METTL16: variants seen among roughly 807,000 people sequenced by gnomAD.
The protein encoded by METTL16 is RNA N(6)-adenosine-methyltransferase METTL16.
A neutral mutation model predicts 57.9 loss-of-function variants in METTL16; 19 were observed. The ratio of observed to expected loss-of-function variants is 0.33; its 90% CI spans 0.23 to 0.48. METTL16 has a LOEUF of 0.48. Among genes scored for constraint, METTL16 ranks in the 20% least tolerant of loss-of-function variants. METTL16 has a pLI of 0.99. For synonymous variants in METTL16, 246 were observed against 255.6 expected (o/e 0.96, Z 0.36); for missense variants, 434 against 691.5 (o/e 0.63, Z 4.18).
chr17:2,452,679 G>T (rs531946821), intron 6 of METTL16, among the ~76,000 whole-genome samples: 105 of 152,136 alleles, frequency 6.9e-4, no homozygotes, highest in Non-Finnish European at 1.1e-3. Flanking sequence ...CAGGATTCGC[G>T]CAAATGACTC....
intron 2 of METTL16, among the ~76,000 whole-genome samples, chr17:2,493,214 G>T: frequency 6.8e-6 from 1 of 147,570 alleles, no homozygotes; most frequent in Non-Finnish European, 1.5e-5. Flanking sequence ...TCAGCCTCCT[G>T]AGTAGCTGGG....
chr17:2,435,799 T>G (rs1210528892), intron 8 of METTL16, among the ~76,000 whole-genome samples: 15 of 109,968 alleles, frequency 1.4e-4, no homozygotes, highest in Admixed American at 3.0e-4. Context: ...AAGACTCTGG[T>G]AGGGGGGGAA....
chr17:2,444,484 T>G (rs921410934), intron 6 of METTL16, among the ~76,000 whole-genome samples: 1 of 152,138 alleles, frequency 6.6e-6, no homozygotes, highest in East Asian at 1.9e-4. Context: ...TAAAATAAAA[T>G]GAAGTTGAAA....
chr17:2,459,558 A>G (rs1176321659), intron 6 of METTL16, among the ~76,000 whole-genome samples: 2 of 152,216 alleles, frequency 1.3e-5, no homozygotes, highest in Non-Finnish European at 2.9e-5. Context: ...GACAAGGAGA[A>G]AAACATTCTA....
chr17:2,475,867 C>A (rs1274102910), intron 3 of METTL16, among the ~76,000 whole-genome samples: 1 of 152,180 alleles, frequency 6.6e-6, no homozygotes, highest in Non-Finnish European at 1.5e-5. Context: ...CCTCCTCTAT[C>A]CCCAAGTGCT....
chr17:2,437,792 C>T (rs758348517), intron 8 of METTL16, among the ~76,000 whole-genome samples: 6 of 152,158 alleles, frequency 3.9e-5, no homozygotes, highest in Non-Finnish European at 5.9e-5. Context: ...TCAAGTTATC[C>T]GCCCAGCTCG....
intron 1 of METTL16, among the ~76,000 whole-genome samples, chr17:2,506,742 C>T (rs973036337): frequency 2.0e-5 from 3 of 151,954 alleles, no homozygotes; most frequent in South Asian, 2.1e-4. Flanking sequence ...TCTGCCTGGC[C>T]GCCCATCATC....
At chr17:2,504,541 T>C in intron 1 of METTL16, among the ~76,000 whole-genome samples, 1 of 152,156 alleles carries the variant, frequency 6.6e-6, no homozygotes, top group South Asian at 2.1e-4. Context: ...TAGAGGTTAG[T>C]TGTGTTTTGT....
At chr17:2,491,980 G>A (rs1035063967) in intron 2 of METTL16, among the ~76,000 whole-genome samples, 1 of 150,994 alleles carries the variant, frequency 6.6e-6, no homozygotes, top group Non-Finnish European at 1.5e-5. Flanking sequence ...AGGAGGCCAA[G>A]GCTGACGGAT....
intron 8 of METTL16, among the ~76,000 whole-genome samples, chr17:2,432,766 G>A (rs2066882563): frequency 6.6e-6 from 1 of 152,134 alleles, no homozygotes; most frequent in African/African-American, 2.4e-5. Flanking sequence ...GGGGCAGGTG[G>A]GAAGAAATGG....
chr17:2,439,916 A>G (rs1056512951), intron 7 of METTL16, among the ~76,000 whole-genome samples: 1 of 152,220 alleles, frequency 6.6e-6, no homozygotes, highest in Non-Finnish European at 1.5e-5. Flanking sequence ...GGTCAGGTGC[A>G]TGGGTCACGC....
intron 8 of METTL16, among the ~76,000 whole-genome samples, chr17:2,433,725 T>A (rs2066890642): frequency 1.3e-5 from 2 of 152,210 alleles, no homozygotes; most frequent in African/African-American, 4.8e-5. Context: ...ATCCAGTGCT[T>A]CAAATCTACT....
intron 2 of METTL16, among the ~76,000 whole-genome samples, chr17:2,493,014 T>C (rs947544150): frequency 6.6e-6 from 1 of 151,864 alleles, no homozygotes; most frequent in Admixed American, 6.6e-5. Context: ...CTGATTCCCT[T>C]AAGAGACCAC....
chr17:2,451,371 C>T (rs2067068269), intron 6 of METTL16, among the ~76,000 whole-genome samples: 2 of 152,142 alleles, frequency 1.3e-5, no homozygotes, highest in African/African-American at 4.8e-5. Flanking sequence ...GTAATCCCAG[C>T]ACTTTCGGAG....
intron 8 of METTL16, among the ~76,000 whole-genome samples, chr17:2,429,332 G>A (rs2066852681): frequency 1.3e-5 from 2 of 150,496 alleles, no homozygotes; most frequent in African/African-American, 4.9e-5. Flanking sequence ...GGGACTACAG[G>A]CGTGTATCAT....
chr17:2,460,332 C>T (rs1193716587), intron 6 of METTL16: 1 of 152,122 alleles, frequency 6.6e-6, no homozygotes, highest in Non-Finnish European at 1.5e-5. Flanking sequence ...GCATTTTATC[C>T]TTCCTAGCAA....
At chr17:2,434,117 T>G (rs933059720) in intron 8 of METTL16, among the ~76,000 whole-genome samples, 1 of 152,234 alleles carries the variant, frequency 6.6e-6, no homozygotes, top group African/African-American at 2.4e-5. Context: ...AAGCTTTGGT[T>G]TTGCTCAAGA....
At chr17:2,443,012 C>A (rs183447115) in intron 6 of METTL16, among the ~76,000 whole-genome samples, 34 of 149,756 alleles carry the variant, frequency 2.3e-4, no homozygotes, top group Non-Finnish European at 3.9e-4. Flanking sequence ...GTTTTTGAGA[C>A]AGAGTACCAC....
intron 2 of METTL16, among the ~76,000 whole-genome samples, chr17:2,485,448 A>T (rs559575425): frequency 3.9e-5 from 6 of 152,290 alleles, no homozygotes; most frequent in African/African-American, 1.4e-4. Flanking sequence ...TCCATGAAAA[A>T]ATTGTCATCC....
Sources: allele counts gnomAD v4.1 joint callset (sites outside exome capture counted in the v4.1 genomes callset), GRCh38; gene constraint gnomAD v4.1.1; transcripts MANE v1.5; gene names NCBI Gene and HGNC (gene_info 2026-07-23, HGNC 2026-07-21).